Variants in VRTN observed in about 807,000 individuals in gnomAD.
The protein encoded by VRTN is vertnin.
In VRTN, 5 loss-of-function variants were observed where a neutral mutation model predicts 18.2. That is an observed-to-expected ratio of 0.27 (90% confidence interval 0.14 to 0.58). VRTN has a LOEUF of 0.58. Ranked by LOEUF, VRTN falls within the 20% of genes least tolerant of loss-of-function variation. VRTN has a pLI of 0.91. For missense variants in VRTN, 741 were observed against 939.4 expected (o/e 0.79, Z 2.76); for synonymous variants, 381 against 393.7 (o/e 0.97, Z 0.38).
At chr14:74,328,165 G>A (rs1237911338) in intron 1 of VRTN, among the ~76,000 whole-genome samples, 2 of 152,140 alleles carry the variant, frequency 1.3e-5, no homozygotes, top group African/African-American at 4.8e-5. Context: ...TGGGTTATGA[G>A]CCAATATATC....
intron 1 of VRTN, among the ~76,000 whole-genome samples, chr14:74,324,508 C>T (rs2085476227): frequency 6.6e-6 from 1 of 151,952 alleles, no homozygotes; most frequent in Non-Finnish European, 1.5e-5. Flanking sequence ...TATGGCCAGT[C>T]TGTCTGGCAG....
At chr14:74,332,713 C>G (rs937492575) in intron 1 of VRTN, among the ~76,000 whole-genome samples, 2 of 151,960 alleles carry the variant, frequency 1.3e-5, no homozygotes, top group Non-Finnish European at 2.9e-5. Context: ...GGGCATTGTC[C>G]CATCAACTCT....
intron 2 of VRTN, among the ~76,000 whole-genome samples, chr14:74,342,991 AAC>A (rs963702034): frequency 1.3e-5 from 2 of 152,194 alleles, no homozygotes; most frequent in African/African-American, 4.8e-5. Context: ...TACTGAGAAA[AAC>A]AAAAAAACTA....
intron 1 of VRTN, among the ~76,000 whole-genome samples, chr14:74,303,871 T>TA (rs780900243): frequency 1.5e-5 from 2 of 130,360 alleles, no homozygotes; most frequent in African/African-American, 3.0e-5. Flanking sequence ...TTTTTTTTGA[T>TA]ACGGAGTGTT....
At chr14:74,319,128 G>C (rs973083336) in intron 1 of VRTN, among the ~76,000 whole-genome samples, 2 of 151,938 alleles carry the variant, frequency 1.3e-5, no homozygotes, top group Non-Finnish European at 2.9e-5. Context: ...CGCCTCCCAG[G>C]CTCAAGCGAT....
At chr14:74,347,944 C>A (rs946773516), upstream of VRTN, among the ~76,000 whole-genome samples, 3 of 152,154 alleles carry the variant, frequency 2.0e-5, no homozygotes, top group African/African-American at 7.2e-5. Flanking sequence ...GAAAGTGGGG[C>A]CTTCCTGGAT....
intron 1 of VRTN, among the ~76,000 whole-genome samples, chr14:74,320,583 T>TC (rs2085449525): frequency 1.3e-5 from 1 of 75,994 alleles, no homozygotes; most frequent in Non-Finnish European, 2.6e-5. Flanking sequence ...TTTTTTTTTT[T>TC]TTTTTTTTTT....
rs547403092 is a variant in VRTN at position 74,330,677 on chromosome 14, G to C, written c.-163-7046G>C. Among the ~76,000 whole-genome samples the C allele has an allele frequency of 2.2e-4, 33 of 151,746 alleles. No individual in the cohort carries two copies. The East Asian group carries it at 6.5e-3, about 30-fold the overall frequency. ...GCTGGTCTTGAACTCCTGACCTCAG[G>C]TGATCCGCCTGCCTCAGCCTCCCAA... On this transcript the variant is annotated intron_variant, in intron 1 of 2. Transcript: ENST00000557177.
rs1219937386 is a variant in VRTN at position 74,358,228 on chromosome 14, G to A, written c.1445G>A (p.Gly482Glu). 1 of 1,612,666 alleles carries A rather than the reference G, an allele frequency of 6.2e-7. No homozygotes were observed. The highest frequency in any genetic ancestry group is 8.5e-7 in the Non-Finnish European group (1 of 1,179,428). Residue 482 changes from glycine (G) to glutamate (E), a missense_variant, in exon 2 of 2, where the codon GGG (glycine) becomes GAG (glutamate). Transcript: ENST00000256362. This position sits in a 1 kb window ranked among gnomAD's most constrained non-coding sequence, Gnocchi z 5.4. ...VIPWKSEAEE[G>E]AGNATGEDPP... ...CCTTGGAAGAGTGAGGCGGAAGAGG[G>A]GGCAGGGAATGCCACAGGTGAGGAC...
chr14:74,332,347 T>TG (rs2085532654), intron 1 of VRTN, among the ~76,000 whole-genome samples: 1 of 30,202 alleles, frequency 3.3e-5, no homozygotes, highest in Non-Finnish European at 6.0e-5. Context: ...TTTTTTTTTT[T>TG]TTTTTTTTTT....
At chr14:74,307,467 T>C (rs2085361397) in intron 1 of VRTN, among the ~76,000 whole-genome samples, 1 of 152,072 alleles carries the variant, frequency 6.6e-6, no homozygotes, top group African/African-American at 2.4e-5. Flanking sequence ...GTTGGTGCTC[T>C]TGAAGGCCAA....
chr14:74,326,795 A>C (rs2085490867), intron 1 of VRTN, among the ~76,000 whole-genome samples: 1 of 19,668 alleles, frequency 5.1e-5, no homozygotes, highest in Non-Finnish European at 9.5e-5. Flanking sequence ...CTCTCTCCCC[A>C]CTCATGGCCA....
intron 1 of VRTN, among the ~76,000 whole-genome samples, chr14:74,329,340 C>T (rs1452608703): frequency 6.6e-6 from 1 of 151,922 alleles, no homozygotes; most frequent in African/African-American, 2.4e-5. Context: ...TGGCATCTTC[C>T]AGGGCTCCAG....
At chr14:74,325,663 G>A (rs981784574) in intron 1 of VRTN, among the ~76,000 whole-genome samples, 1 of 152,014 alleles carries the variant, frequency 6.6e-6, no homozygotes, top group Non-Finnish European at 1.5e-5. Flanking sequence ...CCAGCTACTC[G>A]GGAGGCTGAG....
At chr14:74,307,426 G>A (rs1468085957) in intron 1 of VRTN, among the ~76,000 whole-genome samples, 4 of 151,908 alleles carry the variant, frequency 2.6e-5, no homozygotes, top group African/African-American at 9.7e-5. Flanking sequence ...CACTGCTCCT[G>A]GCCCTGTTGT....
intron 1 of VRTN, among the ~76,000 whole-genome samples, chr14:74,315,600 C>G (rs888068573): frequency 6.6e-6 from 1 of 152,112 alleles, no homozygotes; most frequent in African/African-American, 2.4e-5. Context: ...ATGTGCCAGG[C>G]ATAGGTGCTG....
At chr14:74,350,366 G>A (rs2085675978) in intron 1 of VRTN, among the ~76,000 whole-genome samples, 1 of 152,062 alleles carries the variant, frequency 6.6e-6, no homozygotes, top group African/African-American at 2.4e-5. Flanking sequence ...GGTGGAACTG[G>A]GCCTGGGAAG....
Position 74,348,543 on chromosome 14 carries a change from G to A in VRTN, c.-111G>A, listed in dbSNP as rs183013338. 55 of 152,438 alleles carry A rather than the reference G, an allele frequency of 3.6e-4. No individual in the cohort carries two copies. Among genetic ancestry groups the A allele is most frequent in the African/African-American group, 1.2e-3 (50 of 41,556 alleles). 9.4% of individuals were successfully genotyped at this position (152,438 alleles called of 1,614,324 possible). A position where few individuals can be genotyped will look rare whatever the true frequency, so the allele number is the denominator to read the frequency against. ...ACTGGTTCTGGAGTGAGACGAGCTC[G>A]GCTGGGGACGCTACTTGAGAAGGCC... On this transcript the variant is annotated 5_prime_UTR_variant, in exon 1 of 2. Transcript: ENST00000256362.
chr14:74,344,285 C>T (rs1335745911), upstream of VRTN, among the ~76,000 whole-genome samples: 1 of 104,766 alleles, frequency 9.5e-6, no homozygotes, highest in Non-Finnish European at 2.0e-5. Flanking sequence ...TGGTGGTGCC[C>T]AGCTATGGTC....
Sources: gnomAD v4.1 joint callset for allele counts (sites outside exome capture counted in the v4.1 genomes callset) on GRCh38, gnomAD v4.1.1 for gene constraint, Gnocchi (gnomAD v3.1) non-coding constraint, MANE v1.5 for transcripts, NCBI Gene and HGNC (gene_info 2026-07-23, HGNC 2026-07-21) for gene names.